THSD4: variants seen among roughly 807,000 people sequenced by gnomAD.
THSD4 encodes thrombospondin type 1 domain containing 4, also known as thrombospondin type-1 domain-containing protein 4.
In THSD4, 69 loss-of-function variants were observed where a neutral mutation model predicts 119.0. The ratio of observed to expected loss-of-function variants is 0.58; its 90% CI spans 0.48 to 0.71. THSD4 has a LOEUF of 0.71. Among genes scored for constraint, THSD4 ranks in the 30% least tolerant of loss-of-function variants. The probability of loss-of-function intolerance (pLI) is 0.00; values close to 1 mark genes in which losing one functional copy is unlikely to be tolerated. For synonymous variants in THSD4, 524 were observed against 540.4 expected (o/e 0.97, Z 0.42); for missense variants, 1,393 against 1,391.1 (o/e 1.00, Z -0.02).
intron 6 of THSD4, chr15:71,348,314 A>G (rs1230355577): frequency 1.3e-5 from 2 of 152,238 alleles, no homozygotes; most frequent in East Asian, 3.9e-4. Context: ...GTAGGTCCAC[A>G]TGAACCTGCG....
At chr15:71,519,647 C>T (rs1200887785) in intron 7 of THSD4, among the ~76,000 whole-genome samples, 1 of 152,212 alleles carries the variant, frequency 6.6e-6, no homozygotes, top group Non-Finnish European at 1.5e-5. Context: ...CAGGCATGAA[C>T]CACTGTGCCT....
intron 7 of THSD4, among the ~76,000 whole-genome samples, chr15:71,614,743 G>A (rs1327582812): frequency 6.6e-6 from 1 of 152,220 alleles, no homozygotes; most frequent in Non-Finnish European, 1.5e-5. Flanking sequence ...GAGATTCTGA[G>A]TGGAGATGAA....
At chr15:71,268,626 T>C (rs1380518020) in intron 6 of THSD4, among the ~76,000 whole-genome samples, 1 of 131,690 alleles carries the variant, frequency 7.6e-6, no homozygotes, top group African/African-American at 2.7e-5. Flanking sequence ...CTGAAGGAGA[T>C]AGAGACATGA....
intron 6 of THSD4, among the ~76,000 whole-genome samples, chr15:71,351,118 T>C (rs879939991): frequency 5.9e-5 from 9 of 151,940 alleles, no homozygotes; most frequent in Admixed American, 3.3e-4. Context: ...CCCTGAGGAG[T>C]AGCAGAAGTC....
intron 1 of THSD4, among the ~76,000 whole-genome samples, chr15:71,128,659 G>T (rs146579671): frequency 1.3e-5 from 2 of 152,196 alleles, no homozygotes; most frequent in African/African-American, 4.8e-5. Flanking sequence ...TTGAGCATAA[G>T]ACTCAAACTT....
upstream of THSD4, among the ~76,000 whole-genome samples, chr15:71,112,619 C>T (rs1319364431): frequency 1.3e-5 from 2 of 152,220 alleles, no homozygotes. Flanking sequence ...ATAGCTGACA[C>T]TGACATGCCA....
intron 7 of THSD4, among the ~76,000 whole-genome samples, chr15:71,496,825 A>G (rs2048024222): frequency 6.6e-6 from 1 of 152,202 alleles, no homozygotes; most frequent in Non-Finnish European, 1.5e-5. Context: ...AGACTCTGAC[A>G]TGGCTCCTCC....
intron 6 of THSD4, among the ~76,000 whole-genome samples, chr15:71,360,543 C>T (rs751450479): frequency 2.0e-5 from 3 of 152,198 alleles, no homozygotes; most frequent in Non-Finnish European, 2.9e-5. Flanking sequence ...TAGTCTACTA[C>T]TGCCACCTTA....
chr15:71,753,130 G>T (rs2053479478), intron 14 of THSD4, among the ~76,000 whole-genome samples: 1 of 152,170 alleles, frequency 6.6e-6, no homozygotes, highest in South Asian at 2.1e-4. Flanking sequence ...GTGAATTGAG[G>T]TTGTAACCCC....
chr15:71,707,365 C>T (rs778164344), intron 8 of THSD4, among the ~76,000 whole-genome samples: 4 of 152,174 alleles, frequency 2.6e-5, no homozygotes, highest in Non-Finnish European at 4.4e-5. Flanking sequence ...AAGCTATAGT[C>T]CATTAAAGCC....
At position 71,391,872 on chromosome 15, in the gene THSD4, G is replaced by A. The variant is rs900600066; in HGVS notation, c.1016-19815G>A. ...CAATAACAAAATGAAACTTGCAGGT[G>A]GCTGTTTGCAAGAACCATACAGAGG... On this transcript the variant is annotated intron_variant, in intron 6 of 17. Transcript: ENST00000261862. Among the ~76,000 whole-genome samples, 4 of 152,234 alleles carry A rather than the reference G, an allele frequency of 2.6e-5. No individual in the cohort carries two copies. The South Asian group carries it at 8.3e-4, about 32-fold the overall frequency.
Position 71,428,294 on chromosome 15 carries a change from G to GT in THSD4, c.1152+16472dup, listed in dbSNP as rs143485271. ...TAATAAAACTTTAGAAAACTGTGCT[G>GT]TATGGGGAAACTCCATGCTGTCTCT... On this transcript the variant is annotated intron_variant, in intron 7 of 17. Transcript: ENST00000261862. 5.7e-3 allele frequency among the ~76,000 whole-genome samples: 861 copies of GT among 152,312 alleles called. 10 individuals are homozygous for GT. The highest frequency in any genetic ancestry group is 0.02 in the African/African-American group (822 of 41,562).
chr15:71,318,836 G>C (rs2045226618), intron 6 of THSD4, among the ~76,000 whole-genome samples: 4 of 152,232 alleles, frequency 2.6e-5, no homozygotes, highest in Admixed American at 2.6e-4. Flanking sequence ...AGGCAGGAGG[G>C]CTGGGGAGGC....
chr15:71,319,959 G>T (rs113568280), intron 6 of THSD4, among the ~76,000 whole-genome samples: 148 of 152,220 alleles, frequency 9.7e-4, no homozygotes, highest in Non-Finnish European at 1.9e-3. Context: ...TTAAAAGGAC[G>T]GTATGGTAAC....
intron 7 of THSD4, among the ~76,000 whole-genome samples, chr15:71,590,490 T>C (rs2049773967): frequency 8.1e-6 from 1 of 123,456 alleles, no homozygotes; most frequent in African/African-American, 2.8e-5. Context: ...TTCTCACTTA[T>C]AAGTGGGACC....
At chr15:71,114,640 G>A (rs568014440), upstream of THSD4, among the ~76,000 whole-genome samples, 136 of 152,216 alleles carry the variant, frequency 8.9e-4, 1 homozygote, top group African/African-American at 3.0e-3. Flanking sequence ...AACTAAACGC[G>A]TCACTTTGGT....
intron 6 of THSD4, among the ~76,000 whole-genome samples, chr15:71,270,587 T>G (rs1224200520): frequency 6.6e-6 from 1 of 152,196 alleles, no homozygotes; most frequent in Non-Finnish European, 1.5e-5. Flanking sequence ...CTAGACTAGT[T>G]AACTAACTTG....
intron 3 of THSD4, among the ~76,000 whole-genome samples, chr15:71,191,330 A>G (rs778615622): frequency 2.0e-5 from 3 of 151,650 alleles, no homozygotes; most frequent in African/African-American, 4.8e-5. Flanking sequence ...GGACTCCCCT[A>G]TTTTTCTTCT....
chr15:71,705,739 G>C (rs1347362302), intron 8 of THSD4, among the ~76,000 whole-genome samples: 3 of 152,116 alleles, frequency 2.0e-5, no homozygotes, highest in African/African-American at 4.8e-5. Flanking sequence ...ACTACATCAT[G>C]GTCACCTACT....
Sources: gnomAD v4.1 joint callset for allele counts (sites outside exome capture counted in the v4.1 genomes callset) on GRCh38, gnomAD v4.1.1 for gene constraint, MANE v1.5 for transcripts, NCBI Gene and HGNC (gene_info 2026-07-23, HGNC 2026-07-21) for gene names.